CDKL3: variants seen among roughly 807,000 people sequenced by gnomAD.
CDKL3 encodes cyclin-dependent kinase-like 3.
Under a neutral mutation model 69.3 loss-of-function variants are expected in CDKL3, and 65 were observed. That is an observed-to-expected ratio of 0.94 (90% confidence interval 0.77 to 1.15). The LOEUF (loss-of-function observed/expected upper bound fraction) is 1.15. CDKL3 is among the 50% of genes most tolerant of loss of function. The pLI is 0.00. For synonymous variants in CDKL3, 202 were observed against 221.6 expected, an observed-to-expected ratio of 0.91 and a Z score of 0.79; for missense variants, 652 against 689.2, an observed-to-expected ratio of 0.95 and a Z score of 0.61.
intron 4 of CDKL3, among the ~76,000 whole-genome samples, chr5:134,333,632 T>C (rs565271333): frequency 1.3e-5 from 2 of 152,336 alleles, no homozygotes; most frequent in East Asian, 3.9e-4. Flanking sequence ...TTTGTGTATG[T>C]TGAACCAGGC....
Position 134,308,565 on chromosome 5 carries a change from A to C in CDKL3, c.1035+9T>G, listed in dbSNP as rs542311990. 2 of 1,569,286 alleles carry C rather than the reference A, an allele frequency of 1.3e-6. No individual in the cohort carries two copies. Among genetic ancestry groups the C allele is most frequent in the East Asian group, 2.2e-5 (1 of 44,688 alleles). On this transcript the variant is annotated intron_variant, in intron 8 of 12. Transcript: ENST00000265334. ...TTATACTGGCTGAAACAAAAACCAA[A>C]GTTCTTACCTTTCCCAAAACTGAAC...
downstream of CDKL3, among the ~76,000 whole-genome samples, chr5:134,295,068 G>A (rs1378590677): frequency 7.3e-6 from 1 of 137,066 alleles, no homozygotes; most frequent in Non-Finnish European, 1.5e-5. Flanking sequence ...AGGCTGGAGT[G>A]AAGTGGTGCA....
intron 3 of CDKL3, among the ~76,000 whole-genome samples, chr5:134,352,305 T>A (rs889321805): frequency 2.0e-5 from 3 of 148,842 alleles, no homozygotes; most frequent in Non-Finnish European, 4.4e-5. Context: ...AGGTTGATTT[T>A]TTTTTTTTTT....
At chr5:134,317,082 T>C (rs970177229) in intron 6 of CDKL3, among the ~76,000 whole-genome samples, 3 of 152,210 alleles carry the variant, frequency 2.0e-5, no homozygotes, top group Non-Finnish European at 4.4e-5. Flanking sequence ...TAAATAAATT[T>C]TGTACTAAAT....
At chr5:134,343,234 C>T (rs1750977015) in intron 4 of CDKL3, among the ~76,000 whole-genome samples, 1 of 151,514 alleles carries the variant, frequency 6.6e-6, no homozygotes, top group African/African-American at 2.4e-5. Context: ...AAGTGCGTTG[C>T]TGGAAAAAGG....
At chr5:134,354,065 A>G (rs1753962999) in intron 3 of CDKL3, among the ~76,000 whole-genome samples, 1 of 152,206 alleles carries the variant, frequency 6.6e-6, no homozygotes, top group Non-Finnish European at 1.5e-5. Flanking sequence ...CTGCCTGGCC[A>G]AGCCAGCTAT....
At chr5:134,289,083 G>C (rs577160908) in intron 8 of CDKL3, among the ~76,000 whole-genome samples, 4 of 147,530 alleles carry the variant, frequency 2.7e-5, no homozygotes, top group African/African-American at 5.1e-5. Context: ...GATTGCTTGA[G>C]CCCAGGAATT....
At chr5:134,311,615 G>A (rs1769542145) in intron 7 of CDKL3, among the ~76,000 whole-genome samples, 1 of 152,124 alleles carries the variant, frequency 6.6e-6, no homozygotes, top group Admixed American at 6.5e-5. Flanking sequence ...GGAAAAACCA[G>A]ACTATTCTCT....
chr5:134,360,824 C>T (rs1755826723), intron 2 of CDKL3, among the ~76,000 whole-genome samples: 1 of 152,126 alleles, frequency 6.6e-6, no homozygotes, highest in African/African-American at 2.4e-5. Flanking sequence ...ATTAATTATT[C>T]TCTAATTTTA....
intron 4 of CDKL3, among the ~76,000 whole-genome samples, chr5:134,324,106 A>G (rs1313764218): frequency 1.3e-5 from 2 of 152,240 alleles, no homozygotes; most frequent in African/African-American, 2.4e-5. Context: ...GCCCAGTATC[A>G]TATGTCATCA....
chr5:134,365,789 C>T (rs540734538), intron 2 of CDKL3, among the ~76,000 whole-genome samples: 4 of 152,164 alleles, frequency 2.6e-5, no homozygotes, highest in African/African-American at 9.7e-5. Context: ...CCACTTTGCC[C>T]TTTATCCTTT....
intron 2 of CDKL3, among the ~76,000 whole-genome samples, chr5:134,363,031 C>T (rs1215756585): frequency 6.6e-6 from 1 of 152,098 alleles, no homozygotes; most frequent in Admixed American, 6.6e-5. Context: ...TATTCAAGTT[C>T]ATCTCTGTAT....
chr5:134,366,628 T>A, intron 1 of CDKL3, 84 bp from the exon 2 acceptor site: 1 of 818,106 alleles, frequency 1.2e-6, no homozygotes. Flanking sequence ...ATATCCACAA[T>A]AAACCCACAG....
downstream of CDKL3, among the ~76,000 whole-genome samples, chr5:134,295,166 A>G (rs34553258): frequency 0.16 from 23,511 of 151,464 alleles, 2,345 homozygotes; most frequent in African/African-American, 0.28. Flanking sequence ...ACAGGTGCCT[A>G]CCACCACATA....
At chr5:134,337,659 C>G (rs188953031) in intron 4 of CDKL3, among the ~76,000 whole-genome samples, 2 of 152,076 alleles carry the variant, frequency 1.3e-5, no homozygotes, top group African/African-American at 4.8e-5. Flanking sequence ...GCTAGCTTTG[C>G]CAACACTGCA....
upstream of CDKL3, among the ~76,000 whole-genome samples, chr5:134,369,100 G>C (rs1758053077): frequency 1.3e-5 from 2 of 152,138 alleles, no homozygotes; most frequent in Admixed American, 1.3e-4. Context: ...TCATAATCCA[G>C]AGCTACAGAA....
At chr5:134,293,478 GA>G, downstream of CDKL3, among the ~76,000 whole-genome samples, 1 of 151,984 alleles carries the variant, frequency 6.6e-6, no homozygotes, top group East Asian at 1.9e-4. Flanking sequence ...GACAATACAA[GA>G]AAAAAATGAA....
rs769052030 is a variant in CDKL3, at chr5:134,308,119, C to T, written c.1364+19G>A. ...CAGGAATGTTGTATTATTTAGGTTTCTTCTCTGTTACAGCTCACCTCACAC... is the reference window on the plus strand; with the variant it reads ...CAGGAATGTTGTATTATTTAGGTTTTTTCTCTGTTACAGCTCACCTCACAC... On this transcript the variant is annotated intron_variant, in intron 9 of 12. Coordinates refer to ENST00000265334, the MANE Select transcript of CDKL3 (RefSeq NM_001113575.2). The T allele has an allele frequency of 3.1e-6, 5 of 1,591,658 alleles. No individual in the cohort carries two copies. Among genetic ancestry groups the T allele is most frequent in the Non-Finnish European group, 4.3e-6 (5 of 1,166,870 alleles).
At position 134,350,354 on chromosome 5, in the gene CDKL3, C is replaced by T; in HGVS notation, c.434G>A (p.Gly145Asp). 1 of 1,587,848 alleles carries T rather than the reference C, an allele frequency of 6.3e-7. No homozygotes were observed. The highest frequency in any genetic ancestry group is 8.6e-7 in the Non-Finnish European group (1 of 1,166,478). Residue 145 changes from glycine (G) to aspartate (D), a missense_variant, in exon 4 of 13, where the codon GGT (glycine) becomes GAT (aspartate). Transcript: ENST00000265334. The stretch of plus-strand genomic sequence containing the variant: ...AGGAGCTGCTAGTGTTCGTGCAAAA[C>T]CAAAATCACAGAGCTTAGTAATTCC... ...QSGITKLCDFGFARTLAAPGD... is the reference protein window; with the variant it reads ...QSGITKLCDFDFARTLAAPGD...
Sources: allele counts gnomAD v4.1 joint callset (sites outside exome capture counted in the v4.1 genomes callset), GRCh38; gene constraint gnomAD v4.1.1; transcripts MANE v1.5; gene names NCBI Gene and HGNC (gene_info 2026-07-23, HGNC 2026-07-21).